WDPCP: variants seen among roughly 807,000 people sequenced by gnomAD.
The protein encoded by WDPCP is WD repeat-containing and planar cell polarity effector protein fritz homolog.
Under a neutral mutation model 93.1 loss-of-function variants are expected in WDPCP, and 71 were observed. The observed-to-expected ratio is 0.76, with a 90% confidence interval of 0.63 to 0.93. WDPCP has a LOEUF of 0.93. WDPCP is among the 40% of genes least tolerant of loss of function. The pLI, the probability that WDPCP is intolerant of heterozygous loss-of-function variation, is 0.00. For missense variants in WDPCP, 844 were observed against 887.4 expected, an observed-to-expected ratio of 0.95 and a Z score of 0.62; for synonymous variants, 315 against 315.0, an observed-to-expected ratio of 1.00 and a Z score of 0.00.
intron 6 of WDPCP, among the ~76,000 whole-genome samples, chr2:63,471,287 C>T (rs1187354367): frequency 2.0e-5 from 3 of 152,202 alleles, no homozygotes; most frequent in African/African-American, 7.2e-5. Context: ...GCTGCCCCTA[C>T]CCTTTCTGGA....
At chr2:63,526,466 A>G (rs1703344262) in intron 1 of WDPCP, among the ~76,000 whole-genome samples, 1 of 152,218 alleles carries the variant, frequency 6.6e-6, no homozygotes, top group Admixed American at 6.5e-5. Context: ...TTAAGAGGAA[A>G]GATACAGGGG....
At chr2:63,488,239 T>G (rs1382920290) in intron 2 of WDPCP, among the ~76,000 whole-genome samples, 1 of 152,104 alleles carries the variant, frequency 6.6e-6, no homozygotes, top group East Asian at 1.9e-4. Flanking sequence ...GCAAAATAAT[T>G]CTCAGTTACT....
At chr2:63,211,890 G>A (rs566973376) in intron 14 of WDPCP, among the ~76,000 whole-genome samples, 1 of 152,290 alleles carries the variant, frequency 6.6e-6, no homozygotes, top group Admixed American at 6.5e-5. Context: ...TCAAATGAAT[G>A]AAATGGAGCG....
chr2:63,707,625 C>T (rs1183996057), intron 2 of WDPCP, among the ~76,000 whole-genome samples: 4 of 152,224 alleles, frequency 2.6e-5, no homozygotes, highest in Non-Finnish European at 5.9e-5. Flanking sequence ...CTTCTCTCAA[C>T]TCATCAAAGT....
At chr2:63,299,588 CAT>C (rs960689609) in intron 13 of WDPCP, among the ~76,000 whole-genome samples, 1 of 152,198 alleles carries the variant, frequency 6.6e-6, no homozygotes, top group African/African-American at 2.4e-5. Flanking sequence ...TCTGGGCATT[CAT>C]AGACTTTGGT....
At chr2:63,359,492 G>A (rs537669699) in intron 12 of WDPCP, among the ~76,000 whole-genome samples, 4 of 152,194 alleles carry the variant, frequency 2.6e-5, no homozygotes, top group Non-Finnish European at 5.9e-5. Flanking sequence ...TATTATAATA[G>A]CTAAAATAAA....
intron 2 of WDPCP, among the ~76,000 whole-genome samples, chr2:63,687,603 T>G (rs1475596846): frequency 6.6e-6 from 1 of 152,186 alleles, no homozygotes; most frequent in African/African-American, 2.4e-5. Flanking sequence ...TCATTCATCA[T>G]CAGCAAAATG....
chr2:63,811,859 T>C (rs1280617235), intron 2 of WDPCP, among the ~76,000 whole-genome samples: 2 of 151,930 alleles, frequency 1.3e-5, no homozygotes, highest in Admixed American at 6.6e-5. Context: ...GAACATACAG[T>C]ATTTGGTTTT....
intron 12 of WDPCP, among the ~76,000 whole-genome samples, chr2:63,367,415 T>C (rs1374970898): frequency 6.6e-6 from 1 of 152,104 alleles, no homozygotes; most frequent in African/African-American, 2.4e-5. Context: ...CACTTCTGAC[T>C]CAGTAATTCC....
upstream of WDPCP, among the ~76,000 whole-genome samples, chr2:63,831,716 C>A (rs1671204225): frequency 6.6e-6 from 1 of 151,548 alleles, no homozygotes; most frequent in East Asian, 1.9e-4. Flanking sequence ...ATATCAAAAG[C>A]AATATATTTA....
At chr2:63,754,495 A>G (rs920954815) in intron 2 of WDPCP, among the ~76,000 whole-genome samples, 3 of 152,250 alleles carry the variant, frequency 2.0e-5, no homozygotes, top group Non-Finnish European at 2.9e-5. Context: ...GTTCAGGGGA[A>G]TAATACTCTC....
chr2:63,810,351 TA>T (rs1309758293), intron 2 of WDPCP, among the ~76,000 whole-genome samples: 1 of 152,236 alleles, frequency 6.6e-6, no homozygotes, highest in East Asian at 1.9e-4. Flanking sequence ...TCAAGTTTTC[TA>T]AAAAGATACA....
At chr2:63,616,082 A>G (rs964018030) in intron 3 of WDPCP, among the ~76,000 whole-genome samples, 1 of 152,212 alleles carries the variant, frequency 6.6e-6, no homozygotes, top group Admixed American at 6.5e-5. Flanking sequence ...GATGAATTCT[A>G]TCTTTATGGA....
intron 2 of WDPCP, among the ~76,000 whole-genome samples, chr2:63,746,846 G>A (rs1158365973): frequency 3.9e-5 from 6 of 152,008 alleles, no homozygotes; most frequent in Admixed American, 6.6e-5. Flanking sequence ...TTGTGATCTC[G>A]CCCTGACATT....
intron 2 of WDPCP, among the ~76,000 whole-genome samples, chr2:63,805,317 T>C (rs1575777800): frequency 6.6e-6 from 1 of 152,174 alleles, no homozygotes; most frequent in East Asian, 1.9e-4. Flanking sequence ...TCTAGGAAAT[T>C]AGAGGTCAAA....
intron 2 of WDPCP, among the ~76,000 whole-genome samples, chr2:63,707,214 C>T (rs1669172099): frequency 6.6e-6 from 1 of 152,208 alleles, no homozygotes; most frequent in Non-Finnish European, 1.5e-5. Flanking sequence ...TAATATCCTG[C>T]AGAGTGTTTT....
intron 4 of WDPCP, 104 bp from the exon 5 acceptor site, chr2:63,485,091 C>A: frequency 8.4e-7 from 1 of 1,192,904 alleles, no homozygotes; most frequent in Non-Finnish European, 1.2e-6. Flanking sequence ...CCTCTATAAT[C>A]GAGAGGAAGT....
At chr2:63,525,817 G>C (rs1703296981) in intron 1 of WDPCP, among the ~76,000 whole-genome samples, 1 of 152,186 alleles carries the variant, frequency 6.6e-6, no homozygotes, top group Non-Finnish European at 1.5e-5. Flanking sequence ...CTTTACACTG[G>C]TAAAGTACAC....
intron 17 of WDPCP, among the ~76,000 whole-genome samples, chr2:63,126,907 T>C (rs1009965860): frequency 4.6e-5 from 7 of 152,004 alleles, no homozygotes; most frequent in Non-Finnish European, 8.8e-5. Context: ...AGTCTCAAAC[T>C]ACTGGGCTCT....
Sources: allele counts gnomAD v4.1 joint callset (sites outside exome capture counted in the v4.1 genomes callset), GRCh38; gene constraint gnomAD v4.1.1; transcripts MANE v1.5; gene names NCBI Gene and HGNC (gene_info 2026-07-23, HGNC 2026-07-21).